The following HPN variants were observed in gnomAD, a reference collection of about 807,000 sequenced individuals.
HPN encodes serine protease hepsin.
A neutral mutation model predicts 55.9 loss-of-function variants in HPN; 13 were observed. The ratio of observed to expected loss-of-function variants is 0.23; its 90% confidence interval spans 0.15 to 0.37. The LOEUF (loss-of-function observed/expected upper bound fraction) is 0.37, where lower values mean the gene tolerates loss of function less well. Among genes scored for constraint, HPN ranks in the 10% least tolerant of loss-of-function variants. The pLI, the probability that HPN is intolerant of heterozygous loss-of-function variation, is 1.00. For synonymous variants in HPN, 225 were observed against 240.3 expected (o/e 0.94, Z 0.59); for missense variants, 451 against 575.8 (o/e 0.78, Z 2.22).
intron 9 of HPN, 72 bp downstream of exon 9, chr19:35,060,889 C>T (rs2064523872): frequency 4.6e-6 from 6 of 1,296,308 alleles, no homozygotes; most frequent in African/African-American, 3.0e-5. Flanking sequence ...ACCAGGGGCA[C>T]AAGGCAATCA....
chr19:35,059,744 T>G lies in HPN; in HGVS notation c.232T>G (p.Ser78Ala). The change falls in exon 5 of 13, where the codon TCC becomes GCC. Residue 78 changes from serine (S) to alanine (A), a missense_variant. Physicochemically the swap from Ser to Ala is moderately conservative, Grantham distance 99. Transcript: ENST00000672452. Reference sequence around the variant, plus strand: ...GGAAGGGACGTGGCGGCTGCTGTGCTCCTCGCGCTCCAACGCCAGGGTAGC... The same window carrying G: ...GGAAGGGACGTGGCGGCTGCTGTGCGCCTCGCGCTCCAACGCCAGGGTAGC... ...KTEGTWRLLC[S>A]SRSNARVAGL... 6.3e-7 allele frequency: 1 copy of G among 1,592,212 alleles called. No homozygotes were observed. The highest frequency in any genetic ancestry group is 1.1e-5 in the South Asian group (1 of 87,736).
chr19:35,045,934 A>G (rs923028408), intron 2 of HPN, among the ~76,000 whole-genome samples: 3 of 152,186 alleles, frequency 2.0e-5, no homozygotes, highest in African/African-American at 7.2e-5. Flanking sequence ...CCTAGGAGAC[A>G]CATACATAGT....
upstream of HPN, among the ~76,000 whole-genome samples, chr19:35,041,485 G>T (rs188772427): frequency 6.6e-6 from 1 of 152,016 alleles, no homozygotes; most frequent in African/African-American, 2.4e-5. Context: ...CCTTCAGCCT[G>T]CACTTTCTCC....
rs113367868 is a variant in HPN, at chr19:35,060,265, C to T, written c.455-82C>T. 12 of 1,607,216 alleles carry T rather than the reference C, an allele frequency of 7.5e-6. 1 individual carries two copies. The African/African-American group carries it at 9.3e-5, about 12-fold the overall frequency. ...GATGGGGCCATGTACTTTCAGACCCCCTAGGGCAGGGCCAAGCCTGGGCTC... is the reference window on the plus strand; with the variant it reads ...GATGGGGCCATGTACTTTCAGACCCTCTAGGGCAGGGCCAAGCCTGGGCTC... On this transcript the variant is annotated intron_variant, in intron 7 of 12. Coordinates refer to ENST00000672452, the MANE Select transcript of HPN (RefSeq NM_001384133.1).
rs1464673525 is a variant in HPN at position 35,066,348 on chromosome 19, G to A, written c.*61G>A. On this transcript the variant is annotated 3_prime_UTR_variant, in exon 13 of 13. Coordinates refer to ENST00000672452, the MANE Select transcript of HPN (RefSeq NM_001384133.1). ...AGGTGATCCCGGTGGTGGGATCCAC[G>A]CTGGGCCTAGGATGGGACGTTTTTC... 3.8e-6 allele frequency: 6 copies of A among 1,570,934 alleles called. No individual in the cohort carries two copies. The highest frequency in any genetic ancestry group is 2.4e-5 in the East Asian group (1 of 42,190).
chr19:35,046,566 C>T (rs1179489669), intron 2 of HPN, among the ~76,000 whole-genome samples: 1 of 152,064 alleles, frequency 6.6e-6, no homozygotes, highest in Non-Finnish European at 1.5e-5. Flanking sequence ...ATTCTTAAGA[C>T]ACCCAGATAA....
upstream of HPN, chr19:35,041,686 C>A: frequency 9.3e-7 from 1 of 1,080,956 alleles, no homozygotes; most frequent in Non-Finnish European, 1.2e-6. Flanking sequence ...CTCCCCGCCC[C>A]TTCACCCGCC....
Position 35,065,701 on chromosome 19 carries a change from C to CA in HPN, c.1050+21dup, listed in dbSNP as rs2064599245. On this transcript the variant is annotated intron_variant, in intron 11 of 12. Coordinates refer to ENST00000672452, the MANE Select transcript of HPN (RefSeq NM_001384133.1). ...TGCCAGGTGAGGGACTCTGTAGGGGCAGCCCCCTGGTCGCTGCCACCCCAG... is the reference window on the plus strand; with the variant it reads ...TGCCAGGTGAGGGACTCTGTAGGGGCAAGCCCCCTGGTCGCTGCCACCCCAG... The CA allele has an allele frequency of 1.2e-6, 2 of 1,613,370 alleles. No individual in the cohort carries two copies. Among genetic ancestry groups the CA allele is most frequent in the Non-Finnish European group, 1.7e-6 (2 of 1,179,762 alleles).
chr19:35,065,502 C>T (rs1319451912), intron 10 of HPN, 37 bp from the exon 11 acceptor site: 1 of 1,609,490 alleles, frequency 6.2e-7, no homozygotes, highest in East Asian at 2.2e-5. Context: ...GTGTGTACAC[C>T]CCCCAGCTCT....
intron 9 of HPN, 51 bp downstream of exon 9, chr19:35,060,868 C>G: frequency 1.4e-6 from 2 of 1,467,812 alleles, no homozygotes; most frequent in Non-Finnish European, 1.8e-6. Context: ...GCCAGGAGGA[C>G]AGAGGAGGGG....
chr19:35,059,831 C>A (rs1416280746), intron 5 of HPN, 29 bp downstream of exon 5: 2 of 1,530,980 alleles, frequency 1.3e-6, no homozygotes, highest in Admixed American at 2.0e-5. Context: ...GGGGTGGGAG[C>A]CGGGAGGGGC....
At chr19:35,050,910 C>CTTCTTT (rs1568357736) in intron 4 of HPN, among the ~76,000 whole-genome samples, 12 of 116,764 alleles carry the variant, frequency 1.0e-4, no homozygotes, top group African/African-American at 3.9e-4. Context: ...TTCTTTCTTT[C>CTTCTTT]TTTCTTTTTT....
At chr19:35,041,711 CTCCTCCT>C, upstream of HPN, 1 of 1,170,828 alleles carries the variant, frequency 8.5e-7, no homozygotes. Flanking sequence ...GCCCAGCCCC[CTCCTCCT>C]CAGGTGAGGC....
Position 35,041,763 on chromosome 19 carries a change from G to T in HPN, c.-164G>T, listed in dbSNP as rs1451178278. ...TAGCAGGCCCCACGCCACCGCCTCT[G>T]CCTCCAGGCCGCCCGCTGCTGCGGG... is the stretch of plus-strand genomic sequence containing the variant. On this transcript the variant is annotated 5_prime_UTR_variant, in exon 1 of 13. Transcript: ENST00000672452. The T allele has an allele frequency of 1.6e-6, 2 of 1,288,202 alleles. No individual in the cohort carries two copies. Among genetic ancestry groups the T allele is most frequent in the African/African-American group, 3.2e-5 (2 of 62,672 alleles). 79.8% of individuals were successfully genotyped at this position (1,288,202 alleles called of 1,614,324 possible).
chr19:35,046,796 G>A lies in HPN; in HGVS notation c.17-2494G>A, dbSNP rs1052048051. ...CTTTGGCCTTCTTATAATCCCTAGT[G>A]AAGGGGTTGGCTTTTATTTATTTAT... On this transcript the variant is annotated intron_variant, in intron 2 of 12. Transcript: ENST00000672452. Among the ~76,000 whole-genome samples the A allele has an allele frequency of 2.6e-5, 4 of 152,110 alleles. No homozygotes were observed. In the South Asian group the frequency reaches 8.3e-4, roughly 32 times the overall value.
intron 4 of HPN, among the ~76,000 whole-genome samples, chr19:35,050,910 C>CTTCTTTTTTTT (rs1568357736): frequency 1.7e-5 from 2 of 116,768 alleles, no homozygotes; most frequent in African/African-American, 6.5e-5. Context: ...TTCTTTCTTT[C>CTTCTTTTTTTT]TTTCTTTTTT....
chr19:35,051,355 C>T (rs1267214027), intron 4 of HPN, among the ~76,000 whole-genome samples: 4 of 151,964 alleles, frequency 2.6e-5, no homozygotes, highest in Admixed American at 2.0e-4. Flanking sequence ...GTGATCCACC[C>T]GTCTCGGCCT....
At chr19:35,053,629 C>T (rs1390234006) in intron 4 of HPN, among the ~76,000 whole-genome samples, 1 of 152,194 alleles carries the variant, frequency 6.6e-6, no homozygotes, top group African/African-American at 2.4e-5. Flanking sequence ...CCTGTAATCC[C>T]AGCTATTTGG....
intron 4 of HPN, among the ~76,000 whole-genome samples, chr19:35,058,633 T>C (rs900227834): frequency 6.8e-6 from 1 of 147,438 alleles, no homozygotes; most frequent in African/African-American, 2.5e-5. Context: ...AACAATATAT[T>C]AATATTATAT....
Sources: gnomAD v4.1 joint callset for allele counts (sites outside exome capture counted in the v4.1 genomes callset) on GRCh38, gnomAD v4.1.1 for gene constraint, MANE v1.5 for transcripts, NCBI Gene and HGNC (gene_info 2026-07-23, HGNC 2026-07-21) for gene names.